Variants in PRKCZ observed in about 807,000 individuals in gnomAD.
PRKCZ encodes the protein protein kinase C zeta.
Under a neutral mutation model 79.5 loss-of-function variants are expected in PRKCZ, and 33 were observed. That is an observed-to-expected ratio of 0.41 (90% confidence interval 0.31 to 0.55). PRKCZ has a LOEUF of 0.55. Ranked by LOEUF, PRKCZ falls within the 20% of genes least tolerant of loss-of-function variation. The pLI, the probability that PRKCZ is intolerant of heterozygous loss-of-function variation, is 0.19. For missense variants in PRKCZ, 578 were observed against 813.5 expected (o/e 0.71, Z 3.52); for synonymous variants, 342 against 320.9 (o/e 1.07, Z -0.70).
chr1:2,053,116 T>A (rs1024794132), intron 1 of PRKCZ, among the ~76,000 whole-genome samples: 2 of 73,970 alleles, frequency 2.7e-5, no homozygotes, highest in African/African-American at 7.4e-5. Context: ...CAGCTCAGAC[T>A]TTTTTTTTTT....
chr1:2,095,416 C>T (rs1031657642), intron 4 of PRKCZ, among the ~76,000 whole-genome samples: 3 of 152,134 alleles, frequency 2.0e-5, no homozygotes, highest in Non-Finnish European at 4.4e-5. Context: ...GAGGAGGCCA[C>T]AACCGGTGCC....
rs1250372584 is a variant in PRKCZ at position 2,082,813 on chromosome 1, G to T, written c.334+23222G>T. Among the ~76,000 whole-genome samples, 1 of 151,928 alleles carries T rather than the reference G, an allele frequency of 6.6e-6. No homozygotes were observed. Among genetic ancestry groups the T allele is most frequent in the African/African-American group, 2.4e-5 (1 of 41,354 alleles). ...CCTTCACAGGGGCACTCCGGATGTA[G>T]TAGCAGGGAGAGGGTGGAGGGGCGG... is the stretch of plus-strand genomic sequence containing the variant. On this transcript the variant is annotated intron_variant, in intron 4 of 17. Coordinates refer to ENST00000378567, the MANE Select transcript of PRKCZ (RefSeq NM_002744.6). This position sits in a 1 kb window ranked among gnomAD's most constrained non-coding sequence, Gnocchi z 4.4.
At chr1:2,057,258 T>C (rs1660253150) in intron 3 of PRKCZ, among the ~76,000 whole-genome samples, 1 of 152,200 alleles carries the variant, frequency 6.6e-6, no homozygotes, top group Non-Finnish European at 1.5e-5. Flanking sequence ...GGAGATGTGA[T>C]TGTGATCATT....
chr1:2,079,605 C>G (rs1416429225), intron 4 of PRKCZ, among the ~76,000 whole-genome samples: 1 of 152,252 alleles, frequency 6.6e-6, no homozygotes, highest in African/African-American at 2.4e-5. Flanking sequence ...CCAAGGCTAT[C>G]ATGGGATTAG....
intron 4 of PRKCZ, among the ~76,000 whole-genome samples, chr1:2,106,556 A>G (rs1450493467): frequency 2.8e-5 from 1 of 35,494 alleles, no homozygotes; most frequent in East Asian, 7.9e-4. Flanking sequence ...ACGTGTCACC[A>G]GGCCAGGTAA....
intron 4 of PRKCZ, among the ~76,000 whole-genome samples, chr1:2,121,252 G>T (rs1480911131): frequency 5.9e-5 from 9 of 152,166 alleles, no homozygotes; most frequent in Non-Finnish European, 1.3e-4. Context: ...AACAAGGCAT[G>T]GGGGAGCCTG....
At chr1:2,112,279 G>A (rs556060363) in intron 4 of PRKCZ, among the ~76,000 whole-genome samples, 1 of 152,328 alleles carries the variant, frequency 6.6e-6, no homozygotes, top group South Asian at 2.1e-4. Flanking sequence ...TCCTTATGTG[G>A]GTTAAGCTGA....
rs1425152079 is a variant in PRKCZ, at chr1:2,169,484, G to C, written c.975-34G>C. 2.9e-5 allele frequency: 45 copies of C among 1,538,008 alleles called. 1 individual carries two copies. Among genetic ancestry groups the C allele is most frequent in the Middle Eastern group, 3.3e-4 (2 of 5,990 alleles). On this transcript the variant is annotated intron_variant, in intron 10 of 17. Transcript: ENST00000378567. Reference sequence around the variant, plus strand: ...TCTAAGGAGGCCGCCGTCTGCCGAGGTGACTGCAGCCTCCGGCGCCTCTCT... The same window carrying C: ...TCTAAGGAGGCCGCCGTCTGCCGAGCTGACTGCAGCCTCCGGCGCCTCTCT...
chr1:2,144,128 G>A, intron 5 of PRKCZ, 82 bp from the exon 6 acceptor site: 3 of 1,511,168 alleles, frequency 2.0e-6, no homozygotes, highest in Non-Finnish European at 2.7e-6. Context: ...TTTTGAGAAG[G>A]TATAGGTGTG....
chr1:2,140,518 G>A (rs183106592), intron 5 of PRKCZ, among the ~76,000 whole-genome samples: 3 of 152,198 alleles, frequency 2.0e-5, no homozygotes, highest in East Asian at 1.9e-4. Context: ...TTAGCCAGGC[G>A]TGGTGGTGGG....
chr1:2,054,585 C>A (rs887276820), intron 1 of PRKCZ, among the ~76,000 whole-genome samples: 2 of 151,962 alleles, frequency 1.3e-5, no homozygotes, highest in African/African-American at 4.8e-5. Context: ...AAAAAAAAAT[C>A]TGCCGGGGCT....
chr1:2,100,012 C>G (rs1352609665), intron 4 of PRKCZ, among the ~76,000 whole-genome samples: 3 of 152,152 alleles, frequency 2.0e-5, no homozygotes, highest in Admixed American at 1.3e-4. Context: ...CTTGTTGAAA[C>G]CGGAAGCCAT....
intron 4 of PRKCZ, among the ~76,000 whole-genome samples, chr1:2,096,136 C>T (rs929785576): frequency 2.6e-5 from 4 of 151,692 alleles, no homozygotes; most frequent in African/African-American, 9.7e-5. Flanking sequence ...ATGGGGACCT[C>T]GGCTGCCCCA....
At chr1:2,098,896 T>C (rs1453828475) in intron 4 of PRKCZ, among the ~76,000 whole-genome samples, 1 of 152,160 alleles carries the variant, frequency 6.6e-6, no homozygotes, top group Non-Finnish European at 1.5e-5. Flanking sequence ...TTAGCCAGGA[T>C]GGTCTTGATT....
chr1:2,056,386 C>A, intron 2 of PRKCZ, 98 bp from the exon 3 acceptor site: 1 of 1,108,688 alleles, frequency 9.0e-7, no homozygotes, highest in South Asian at 1.7e-5. Context: ...GGACTTTGCC[C>A]CCCACCAGAC....
Position 2,149,516 on chromosome 1 carries a change from G to A in PRKCZ, c.687+592G>A, listed in dbSNP as rs573437062. Among the ~76,000 whole-genome samples, 2 of 151,446 alleles carry A rather than the reference G, an allele frequency of 1.3e-5. No homozygotes were observed. The highest frequency in any genetic ancestry group is 2.1e-4 in the South Asian group (1 of 4,828). On this transcript the variant is annotated intron_variant, in intron 8 of 17. Transcript: ENST00000378567. The surrounding 1 kb of genome is among the most constrained non-coding windows in gnomAD (Gnocchi z 4.1). ...CCAACAAGTGTCACCCTCACAACTC[G>A]TGCTCCTTCCTGGCCATCCTGTGTC...
At position 2,050,423 on chromosome 1, in the gene PRKCZ, C is replaced by A. The variant is rs933711623; in HGVS notation, c.-208C>A. On this transcript the variant is annotated 5_prime_UTR_variant, in exon 1 of 18. Coordinates refer to ENST00000378567, the MANE Select transcript of PRKCZ (RefSeq NM_002744.6). ...CTCGGTCCGCCATGTTCGGACACCG[C>A]CCCCCGCCCCCGCCGGACGGTCCCG... 15 of 185,678 alleles carry A rather than the reference C, an allele frequency of 8.1e-5. No homozygotes were observed. Among genetic ancestry groups the A allele is most frequent in the Admixed American group, 4.3e-4 (7 of 16,274 alleles). 11.5% of individuals were successfully genotyped at this position (185,678 alleles called of 1,614,324 possible).
chr1:2,172,921 G>T lies in PRKCZ; in HGVS notation c.1285+533G>T, dbSNP rs893819175. 6.6e-6 allele frequency among the ~76,000 whole-genome samples: 1 copy of T among 151,994 alleles called. No individual in the cohort carries two copies. Among genetic ancestry groups the T allele is most frequent in the African/African-American group, 2.4e-5 (1 of 41,360 alleles). On this transcript the variant is annotated intron_variant, in intron 13 of 17. Coordinates refer to ENST00000378567, the MANE Select transcript of PRKCZ (RefSeq NM_002744.6). The surrounding 1 kb of genome is among the most constrained non-coding windows in gnomAD (Gnocchi z 7.8). ...CGTGGGCACGCGTGTGCAGCCGTGT[G>T]TGCGTGTGTGAAACGGGGATGTGGG...
rs1252519877 is a variant in PRKCZ at position 2,167,286 on chromosome 1, T to G, written c.975-2232T>G. Among the ~76,000 whole-genome samples, 4 of 152,262 alleles carry G rather than the reference T, an allele frequency of 2.6e-5. No homozygotes were observed. The East Asian group carries it at 7.7e-4, about 29-fold the overall frequency. ...CGGCCTCCGCCTCTACCTCTCTAAGTGTTTAAATGTCCCCCAAATTCTCTC... is the reference window on the plus strand; with the variant it reads ...CGGCCTCCGCCTCTACCTCTCTAAGGGTTTAAATGTCCCCCAAATTCTCTC... On this transcript the variant is annotated intron_variant, in intron 10 of 17. Coordinates refer to ENST00000378567, the MANE Select transcript of PRKCZ (RefSeq NM_002744.6).
Sources: allele counts gnomAD v4.1 joint callset (sites outside exome capture counted in the v4.1 genomes callset), GRCh38; gene constraint gnomAD v4.1.1; non-coding constraint Gnocchi (gnomAD v3.1); transcripts MANE v1.5; gene names NCBI Gene and HGNC (gene_info 2026-07-23, HGNC 2026-07-21).